The following PLPBP variants were observed in gnomAD, a reference collection of about 807,000 sequenced individuals.
The protein encoded by PLPBP is pyridoxal phosphate binding protein, also known as pyridoxal phosphate homeostasis protein.
A neutral mutation model predicts 31.2 loss-of-function variants in PLPBP; 21 were observed. The ratio of observed to expected loss-of-function variants is 0.67; its 90% CI spans 0.48 to 0.97. PLPBP has a LOEUF of 0.97. Among genes scored for constraint, PLPBP ranks in the 50% least tolerant of loss-of-function variants. PLPBP has a pLI of 0.00. For synonymous variants in PLPBP, 124 were observed against 135.6 expected (o/e 0.91, Z 0.59); for missense variants, 308 against 354.4 (o/e 0.87, Z 1.05).
chr8:37,776,098 C>T lies in PLPBP; in HGVS notation c.696+82C>T. On this transcript the variant is annotated intron_variant, in intron 7 of 7. Transcript: ENST00000328195. ...AGGCTGACACAAGAGCAGATCTTTG[C>T]TGTAGAAGCCTTGGAAATGCCTTGG... is the stretch of plus-strand genomic sequence containing the variant. 4.5e-6 allele frequency: 6 copies of T among 1,321,622 alleles called. No individual in the cohort carries two copies. The South Asian group carries it at 7.1e-5, about 16-fold the overall frequency. The allele number at this position is 1,321,622 out of a possible 1,614,324, so 81.9% of individuals were successfully genotyped here.
intron 4 of PLPBP, among the ~76,000 whole-genome samples, chr8:37,768,070 G>T (rs1489595129): frequency 1.3e-5 from 2 of 152,112 alleles, no homozygotes; most frequent in East Asian, 3.9e-4. Context: ...CTCCGAAAGT[G>T]CTAGGATTGC....
At chr8:37,766,149 A>C (rs1803621153) in intron 3 of PLPBP, 131 bp from the exon 4 acceptor site, 1 of 701,778 alleles carries the variant, frequency 1.4e-6, no homozygotes, top group Non-Finnish European at 2.4e-6. Context: ...GGCCGGGTGA[A>C]GATTGTGATA....
At chr8:37,776,488 A>T (rs948720593) in intron 7 of PLPBP, among the ~76,000 whole-genome samples, 12 of 150,278 alleles carry the variant, frequency 8.0e-5, no homozygotes, top group African/African-American at 2.9e-4. Flanking sequence ...CAAAAAAAAA[A>T]AAAAAAAAAA....
chr8:37,765,868 A>G, intron 3 of PLPBP, 122 bp downstream of exon 3: 2 of 1,039,220 alleles, frequency 1.9e-6, no homozygotes, highest in Non-Finnish European at 2.8e-6. Context: ...AGATTGGGCC[A>G]GGGATAGAAA....
chr8:37,772,680 G>C (rs761628516), intron 4 of PLPBP, 75 bp from the exon 5 acceptor site: 4 of 1,549,250 alleles, frequency 2.6e-6, no homozygotes, highest in Non-Finnish European at 3.5e-6. Context: ...CCTCTAACAA[G>C]TCAGAGATTT....
chr8:37,766,372 T>C lies in PLPBP; in HGVS notation c.319+17T>C, dbSNP rs777248581. Reference sequence around the variant, plus strand: ...AATTGATGGGTAAGATAAAATTAAATATGAAAACAAAATTGTTCTGTCATT... The same window carrying C: ...AATTGATGGGTAAGATAAAATTAAACATGAAAACAAAATTGTTCTGTCATT... On this transcript the variant is annotated intron_variant, in intron 4 of 7. Transcript: ENST00000328195. 1.9e-6 allele frequency: 3 copies of C among 1,591,206 alleles called. No individual in the cohort carries two copies. In the South Asian group the frequency reaches 3.4e-5, roughly 18 times the overall value.
At chr8:37,774,183 C>T (rs1035125513) in intron 5 of PLPBP, among the ~76,000 whole-genome samples, 1 of 152,046 alleles carries the variant, frequency 6.6e-6, no homozygotes, top group Admixed American at 6.6e-5. Context: ...TGCACTCCAG[C>T]CTGGGCGACA....
rs1804014120 is a variant in PLPBP, at chr8:37,779,640, AT to A, written c.*1538del. ...CAAATGTACTTTTGTAAACTTAAAC[AT>A]TATGATTCCTGTATTATTTCAGTGA... On this transcript the variant is annotated 3_prime_UTR_variant, in exon 8 of 8. Transcript: ENST00000328195. The A allele has an allele frequency of 6.5e-6, 1 of 152,702 alleles. No homozygotes were observed. The highest frequency in any genetic ancestry group is 2.4e-5 in the African/African-American group (1 of 41,460). The allele number at this position is 152,702 out of a possible 1,614,324, so 9.5% of individuals were successfully genotyped here. A position where few individuals can be genotyped will look rare whatever the true frequency, so the allele number is the denominator to read the frequency against.
chr8:37,775,865 T>C, intron 6 of PLPBP, 53 bp from the exon 7 acceptor site: 5 of 1,480,992 alleles, frequency 3.4e-6, no homozygotes, highest in Non-Finnish European at 4.7e-6. Context: ...CAGACACTTT[T>C]GGGCATCGTT....
chr8:37,775,211 T>C lies in PLPBP; in HGVS notation c.455-128T>C. 9.4e-6 allele frequency: 10 copies of C among 1,065,420 alleles called. No homozygotes were observed. In the South Asian group the frequency reaches 1.5e-4, roughly 16 times the overall value. 66.0% of individuals were successfully genotyped at this position (1,065,420 alleles called of 1,614,324 possible). A position where few individuals can be genotyped will look rare whatever the true frequency, so the allele number is the denominator to read the frequency against. ...CAAGTATAAAGTTACTCTTTAGGAC[T>C]TGAGGCTCTTTCAAGAGGTTCTCTT... On this transcript the variant is annotated intron_variant, in intron 5 of 7. Coordinates refer to ENST00000328195, the MANE Select transcript of PLPBP (RefSeq NM_007198.4).
chr8:37,770,966 GT>G (rs1301294073), intron 4 of PLPBP, among the ~76,000 whole-genome samples: 1 of 152,164 alleles, frequency 6.6e-6, no homozygotes, highest in East Asian at 1.9e-4. Flanking sequence ...CAGAACTGTT[GT>G]TTTAGTGCCA....
intron 3 of PLPBP, among the ~76,000 whole-genome samples, chr8:37,766,033 C>T (rs1803618271): frequency 6.6e-6 from 1 of 152,112 alleles, no homozygotes; most frequent in Non-Finnish European, 1.5e-5. Flanking sequence ...TAAATCAGTT[C>T]ATCCTAGATG....
Position 37,778,074 on chromosome 8 carries a change from G to A in PLPBP, c.798G>A (p.Lys266=), listed in dbSNP as rs1178780694. Residue 266 remains lysine (K), a synonymous_variant, in exon 8 of 8, where the codon AAG becomes AAA. Transcript: ENST00000328195. ...CGGACAAGTGCGCAGCAGACGTGAA[G>A]GCCCCGCTGGAGGTGGCACAGGAGC... The part of the protein sequence containing the change: ...PTPDKCAADV[K]APLEVAQEH 6.2e-7 allele frequency: 1 copy of A among 1,613,632 alleles called. No homozygotes were observed. The highest frequency in any genetic ancestry group is 2.2e-5 in the East Asian group (1 of 44,846).
At position 37,778,012 on chromosome 8, in the gene PLPBP, A is replaced by AT. The variant is rs1563328705; in HGVS notation, c.741dup (p.Gly248TrpfsTer41). ...TACAAATGTCCGAATAGGAAGCACG[A>AT]TTTTTGGAGAGCGGGATTACTCAAA... On this transcript the variant is annotated frameshift_variant, in exon 8 of 8. Coordinates refer to ENST00000328195, the MANE Select transcript of PLPBP (RefSeq NM_007198.4). LOFTEE classifies it low-confidence loss of function (END_TRUNC). 6.2e-7 allele frequency: 1 copy of AT among 1,613,710 alleles called. No individual in the cohort carries two copies. Among genetic ancestry groups the AT allele is most frequent in the Non-Finnish European group, 8.5e-7 (1 of 1,179,694 alleles).
chr8:37,762,557 G>C, upstream of PLPBP: 1 of 1,484,616 alleles, frequency 6.7e-7, no homozygotes, highest in South Asian at 1.3e-5. Context: ...ACGACTCAAT[G>C]ATGAGCAATG....
chr8:37,765,873 T>G (rs1803614006), intron 3 of PLPBP, 127 bp downstream of exon 3: 1 of 991,882 alleles, frequency 1.0e-6, no homozygotes, highest in African/African-American at 1.6e-5. Flanking sequence ...GGGCCAGGGA[T>G]AGAAATGTCA....
At position 37,775,362 on chromosome 8, in the gene PLPBP, G is replaced by A. The variant is rs1263209954; in HGVS notation, c.478G>A (p.Glu160Lys). The change falls in exon 6 of 8, where the codon GAG (glutamate) becomes AAG (lysine). Residue 160 changes from glutamate (E) to lysine (K), a missense_variant. Physicochemically the swap from Glu to Lys is moderately conservative, Grantham distance 56. This residue lies in a region of PLPBP where 188 missense variants were observed against 259.3 expected (regional missense o/e 0.73). Transcript: ENST00000328195. ...EESKHGLPPS[E>K]TIAIVEHINA... The stretch of plus-strand genomic sequence containing the variant: ...AGGTAAACATGGCCTTCCACCTTCA[G>A]AGACCATAGCCATCGTGGAGCACAT... 2 of 1,614,212 alleles carry A rather than the reference G, an allele frequency of 1.2e-6. No individual in the cohort carries two copies. Among genetic ancestry groups the A allele is most frequent in the East Asian group, 2.2e-5 (1 of 44,894 alleles).
intron 4 of PLPBP, among the ~76,000 whole-genome samples, chr8:37,767,986 T>C (rs2129783553): frequency 6.6e-6 from 1 of 152,046 alleles, no homozygotes; most frequent in South Asian, 2.1e-4. Context: ...TTTACGTTTT[T>C]AGTAGAGACA....
intron 4 of PLPBP, among the ~76,000 whole-genome samples, chr8:37,769,671 T>C (rs1803721975): frequency 6.6e-6 from 1 of 152,080 alleles, no homozygotes; most frequent in South Asian, 2.1e-4. Context: ...AGATCCAGTG[T>C]TTTGAGGGAG....
Sources: gnomAD v4.1 joint callset for allele counts (sites outside exome capture counted in the v4.1 genomes callset) on GRCh38, gnomAD v4.1.1 for gene constraint, gnomAD v4.1.1 regional missense constraint, MANE v1.5 for transcripts, NCBI Gene and HGNC (gene_info 2026-07-23, HGNC 2026-07-21) for gene names.